Variants in SEM1 observed in about 807,000 individuals in gnomAD.
The protein encoded by SEM1 is SEM1 26S proteasome subunit.
SEM1 carries 3 observed loss-of-function variants against 12.7 expected under a neutral mutation model. That is an observed-to-expected ratio of 0.24 (90% CI 0.11 to 0.61). The LOEUF is 0.61. Ranked by LOEUF, SEM1 falls within the 20% of genes least tolerant of loss-of-function variation. The probability of loss-of-function intolerance (pLI) is 0.88; values close to 1 mark genes in which losing one functional copy is unlikely to be tolerated. For synonymous variants in SEM1, 30 were observed against 27.8 expected, an observed-to-expected ratio of 1.08 and a Z score of -0.25; for missense variants, 59 against 81.3, an observed-to-expected ratio of 0.73 and a Z score of 1.06.
At chr7:96,644,027 C>T (rs1808707213) in intron 2 of SEM1, among the ~76,000 whole-genome samples, 1 of 152,088 alleles carries the variant, frequency 6.6e-6, no homozygotes, top group African/African-American at 2.4e-5. Context: ...CACTTTGTAA[C>T]AACTTTACCT....
At chr7:96,641,142 G>A (rs1346346388) in intron 2 of SEM1, among the ~76,000 whole-genome samples, 22 of 146,666 alleles carry the variant, frequency 1.5e-4, no homozygotes, top group East Asian at 7.9e-4. Flanking sequence ...ATAGGGAGCC[G>A]AAAAAAAATA....
chr7:96,505,874 C>A (rs544434810), intron 3 of SEM1, among the ~76,000 whole-genome samples: 58 of 152,256 alleles, frequency 3.8e-4, no homozygotes, highest in Admixed American at 3.7e-3. Context: ...TAGGGGGACA[C>A]AAACATTGAG....
intron 2 of SEM1, among the ~76,000 whole-genome samples, chr7:96,549,848 G>A (rs1805212331): frequency 6.6e-6 from 1 of 152,116 alleles, no homozygotes; most frequent in Middle Eastern, 3.2e-3. Flanking sequence ...TTGTTACATT[G>A]TAAAGTGCTT....
chr7:96,615,684 C>A (rs995024064), intron 2 of SEM1, among the ~76,000 whole-genome samples: 1 of 152,006 alleles, frequency 6.6e-6, no homozygotes, highest in African/African-American at 2.4e-5. Flanking sequence ...TTTTAATATA[C>A]CCATAACCCA....
chr7:96,524,774 A>T (rs1043564751), intron 2 of SEM1, among the ~76,000 whole-genome samples: 2 of 152,096 alleles, frequency 1.3e-5, no homozygotes, highest in African/African-American at 4.8e-5. Flanking sequence ...TGCTTCTAGA[A>T]CATCTCAATT....
At chr7:96,622,576 A>G (rs1271602462) in exon 3 of SEM1, 17 of 763,684 alleles carry the variant, frequency 2.2e-5, no homozygotes, top group South Asian at 1.6e-4. Context: ...CTGCATGATC[A>G]ATGTGAAGCC....
intron 3 of SEM1, among the ~76,000 whole-genome samples, chr7:96,504,679 C>T (rs1360408149): frequency 2.0e-5 from 3 of 152,002 alleles, no homozygotes; most frequent in South Asian, 2.1e-4. Flanking sequence ...CTAAAAACAT[C>T]GAGCAATTCC....
Position 96,640,087 on chromosome 7 carries a change from A to G in SEM1, c.171-17444T>C, listed in dbSNP as rs11762681. 0.027 allele frequency among the ~76,000 whole-genome samples: 4,143 copies of G among 152,148 alleles called. 69 individuals carry two copies. The highest frequency in any genetic ancestry group is 0.054 in the Middle Eastern group (16 of 294). ...ATACTAAATGCTGGTGAGGATGTAG[A>G]GCAACAGGAATTATCATTCACTGCT... On this transcript the variant is annotated intron_variant, in intron 2 of 2. Coordinates refer to the SEM1 transcript ENST00000417009. This position sits in a 1 kb window ranked among gnomAD's most constrained non-coding sequence, Gnocchi z 4.0.
intron 2 of SEM1, among the ~76,000 whole-genome samples, chr7:96,584,546 G>C (rs376831101): frequency 6.6e-6 from 1 of 152,000 alleles, no homozygotes; most frequent in African/African-American, 2.4e-5. Context: ...TCTCCTGGAT[G>C]ATATCCTGCA....
At chr7:96,570,621 T>A (rs909191231) in intron 2 of SEM1, among the ~76,000 whole-genome samples, 1 of 152,188 alleles carries the variant, frequency 6.6e-6, no homozygotes, top group African/African-American at 2.4e-5. Context: ...TGGTTCCAAG[T>A]CTTTGCTATT....
chr7:96,496,368 A>T, upstream of SEM1: 1 of 1,182,986 alleles, frequency 8.5e-7, no homozygotes, highest in South Asian at 1.4e-5. Context: ...AATTATTCAA[A>T]TGTAATATAA....
At chr7:96,697,875 GA>G (rs1790147813) in intron 1 of SEM1, among the ~76,000 whole-genome samples, 1 of 151,708 alleles carries the variant, frequency 6.6e-6, no homozygotes, top group African/African-American at 2.4e-5. Flanking sequence ...TATTTTTTTT[GA>G]AAATTTCACT....
chr7:96,520,807 A>G (rs1315782883), intron 2 of SEM1, among the ~76,000 whole-genome samples: 1 of 152,124 alleles, frequency 6.6e-6, no homozygotes, highest in Non-Finnish European at 1.5e-5. Context: ...AGAGGCTAGT[A>G]GGCTGGCCTC....
At chr7:96,542,484 C>G (rs1804987083) in intron 2 of SEM1, among the ~76,000 whole-genome samples, 1 of 151,684 alleles carries the variant, frequency 6.6e-6, no homozygotes, top group Non-Finnish European at 1.5e-5. Context: ...TTTATCAGCT[C>G]TTGCAAGTTT....
At chr7:96,696,047 GACTTT>G (rs1259090142) in intron 1 of SEM1, 2 of 151,786 alleles carry the variant, frequency 1.3e-5, no homozygotes, top group East Asian at 1.9e-4. Flanking sequence ...TCTTCAAGTT[GACTTT>G]ACTTCTTTTA....
intron 2 of SEM1, among the ~76,000 whole-genome samples, chr7:96,692,426 T>C (rs1789956878): frequency 6.6e-6 from 1 of 152,026 alleles, no homozygotes; most frequent in South Asian, 2.1e-4. Context: ...AGAGTAGAGA[T>C]CAACAGCATT....
intron 2 of SEM1, among the ~76,000 whole-genome samples, chr7:96,514,199 A>C (rs1327882864): frequency 6.6e-6 from 1 of 152,128 alleles, no homozygotes; most frequent in Non-Finnish European, 1.5e-5. Context: ...AACGTCTTGA[A>C]AAAAATTGTC....
intron 2 of SEM1, among the ~76,000 whole-genome samples, chr7:96,531,516 G>A (rs1804641179): frequency 1.3e-5 from 2 of 151,754 alleles, no homozygotes; most frequent in Non-Finnish European, 2.9e-5. Context: ...GCTGATGTGG[G>A]AGGACTGTGT....
intron 2 of SEM1, among the ~76,000 whole-genome samples, 163 bp from the exon 3 acceptor site, chr7:96,689,129 T>C (rs1789849901): frequency 6.6e-6 from 1 of 152,106 alleles, no homozygotes; most frequent in South Asian, 2.1e-4. Context: ...CATAAGAAAA[T>C]TGGATATGAG....
Sources: allele counts gnomAD v4.1 joint callset (sites outside exome capture counted in the v4.1 genomes callset), GRCh38; gene constraint gnomAD v4.1.1; non-coding constraint Gnocchi (gnomAD v3.1); transcripts MANE v1.5; gene names NCBI Gene and HGNC (gene_info 2026-07-23, HGNC 2026-07-21).